FGF1: variants seen among roughly 807,000 people sequenced by gnomAD.
The protein encoded by FGF1 is fibroblast growth factor 1, also known as beta-endothelial cell growth factor.
In FGF1, 9 loss-of-function variants were observed where a neutral mutation model predicts 13.4. That is an observed-to-expected ratio of 0.67 (90% CI 0.40 to 1.17). The LOEUF (loss-of-function observed/expected upper bound fraction) is 1.17, where lower values mean the gene tolerates loss of function less well. Among genes scored for constraint, FGF1 ranks in the 50% most tolerant of loss-of-function variants. The pLI, the probability that FGF1 is intolerant of heterozygous loss-of-function variation, is 0.01. For synonymous variants in FGF1, 93 were observed against 79.0 expected, an observed-to-expected ratio of 1.18 and a Z score of -0.94; for missense variants, 156 against 192.7, an observed-to-expected ratio of 0.81 and a Z score of 1.13.
At chr5:142,682,047 T>G (rs2152052939) in intron 1 of FGF1, among the ~76,000 whole-genome samples, 1 of 152,152 alleles carries the variant, frequency 6.6e-6, no homozygotes, top group African/African-American at 2.4e-5. Context: ...ACTTTGGGCT[T>G]TGGAACAAAT....
At chr5:142,674,344 A>G (rs1181239329) in intron 1 of FGF1, among the ~76,000 whole-genome samples, 1 of 151,906 alleles carries the variant, frequency 6.6e-6, no homozygotes, top group Non-Finnish European at 1.5e-5. Context: ...GTGTTGTTCT[A>G]CCTCTGGGGA....
chr5:142,670,597 CATGGT>C (rs33969966), intron 1 of FGF1, among the ~76,000 whole-genome samples: 2,023 of 152,254 alleles, frequency 0.013, 53 homozygotes, highest in African/African-American at 0.046. Context: ...TTGAATCTCC[CATGGT>C]ATAGATTCTT....
chr5:142,638,238 A>G (rs1764606968), intron 1 of FGF1, among the ~76,000 whole-genome samples: 1 of 151,992 alleles, frequency 6.6e-6, no homozygotes. Flanking sequence ...TAGTTCTCAC[A>G]TGTGCCATGC....
intron 1 of FGF1, among the ~76,000 whole-genome samples, chr5:142,661,434 A>G (rs1769200224): frequency 6.6e-6 from 1 of 152,364 alleles, no homozygotes; most frequent in African/African-American, 2.4e-5. Flanking sequence ...ACAGTCCCTC[A>G]AGTAATTAAG....
chr5:142,625,291 C>T (rs1305503988), intron 1 of FGF1, among the ~76,000 whole-genome samples: 3 of 145,452 alleles, frequency 2.1e-5, no homozygotes, highest in African/African-American at 5.2e-5. Context: ...CACTTCATAA[C>T]GAAGAGAGAG....
intron 1 of FGF1, among the ~76,000 whole-genome samples, chr5:142,619,120 G>C (rs1597154094): frequency 6.6e-6 from 1 of 151,912 alleles, no homozygotes; most frequent in African/African-American, 2.4e-5. Flanking sequence ...ATTTTTAGTA[G>C]AGACGGGGTT....
chr5:142,604,428 C>G (rs1397391877), intron 2 of FGF1, among the ~76,000 whole-genome samples: 1 of 152,168 alleles, frequency 6.6e-6, no homozygotes, highest in East Asian at 1.9e-4. Context: ...GTGCCAGGCA[C>G]CATGCTAGTT....
chr5:142,636,419 A>G (rs576781592), intron 1 of FGF1, among the ~76,000 whole-genome samples: 3 of 152,316 alleles, frequency 2.0e-5, no homozygotes, highest in Admixed American at 1.3e-4. Flanking sequence ...CTCTTATTTT[A>G]TTTGGTAAAA....
intron 1 of FGF1, among the ~76,000 whole-genome samples, chr5:142,646,644 C>T (rs2151963883): frequency 6.6e-6 from 1 of 152,266 alleles, no homozygotes; most frequent in East Asian, 1.9e-4. Flanking sequence ...AGCCACTGCG[C>T]CTGGCCCCGG....
At chr5:142,632,914 G>C (rs1256820871) in intron 1 of FGF1, among the ~76,000 whole-genome samples, 3 of 142,112 alleles carry the variant, frequency 2.1e-5, no homozygotes, top group African/African-American at 7.8e-5. Context: ...GGACATTTAG[G>C]TTGTTTACTT....
rs532935676 is a variant in FGF1 at position 142,668,307 on chromosome 5, G to A, written c.-35+17650C>T. Among the ~76,000 whole-genome samples, 43 of 152,328 alleles carry A rather than the reference G, an allele frequency of 2.8e-4. 1 individual carries two copies. The highest frequency in any genetic ancestry group is 9.6e-4 in the African/African-American group (40 of 41,576). On this transcript the variant is annotated intron_variant, in intron 1 of 3. Transcript: ENST00000337706. Reference sequence around the variant, plus strand: ...TCTAATCCTTTGCACAGTCAAAAACGTTTAGTTTCCCTTTGAAAACTGTGA... The same window carrying A: ...TCTAATCCTTTGCACAGTCAAAAACATTTAGTTTCCCTTTGAAAACTGTGA...
intron 1 of FGF1, among the ~76,000 whole-genome samples, chr5:142,629,411 A>T (rs879385362): frequency 6.6e-6 from 1 of 152,072 alleles, no homozygotes; most frequent in Non-Finnish European, 1.5e-5. Context: ...CAGTCCTTCC[A>T]CCCTGGCCTT....
At chr5:142,689,115 A>C (rs1306176384), upstream of FGF1, among the ~76,000 whole-genome samples, 1 of 152,200 alleles carries the variant, frequency 6.6e-6, no homozygotes, top group Non-Finnish European at 1.5e-5. Context: ...CTTGAGAATG[A>C]CATTCAATAT....
upstream of FGF1, among the ~76,000 whole-genome samples, chr5:142,689,639 T>G (rs1043403575): frequency 1.3e-5 from 2 of 151,232 alleles, no homozygotes; most frequent in South Asian, 4.2e-4. Flanking sequence ...CTGGGTTTCC[T>G]CTCCTCTAAT....
At chr5:142,603,546 T>C (rs1757031835) in intron 2 of FGF1, among the ~76,000 whole-genome samples, 1 of 152,222 alleles carries the variant, frequency 6.6e-6, no homozygotes, top group South Asian at 2.1e-4. Flanking sequence ...GCAGAGATCT[T>C]GTCCTGTTCC....
At chr5:142,673,454 G>A (rs867319949) in intron 1 of FGF1, among the ~76,000 whole-genome samples, 1 of 152,166 alleles carries the variant, frequency 6.6e-6, no homozygotes, top group Non-Finnish European at 1.5e-5. Flanking sequence ...GTTTGGAAAC[G>A]TAATAAATAT....
chr5:142,664,626 T>C (rs1342903421), intron 1 of FGF1, among the ~76,000 whole-genome samples: 3 of 152,226 alleles, frequency 2.0e-5, no homozygotes, highest in East Asian at 1.9e-4. Context: ...TTAGATCTGA[T>C]AAAATATGGA....
At chr5:142,598,261 T>C (rs1755719957) in intron 3 of FGF1, among the ~76,000 whole-genome samples, 1 of 152,180 alleles carries the variant, frequency 6.6e-6, no homozygotes, top group Non-Finnish European at 1.5e-5. Context: ...CTGATGTCTC[T>C]ATTATACTGG....
chr5:142,630,172 G>A (rs753371322), intron 1 of FGF1, among the ~76,000 whole-genome samples: 10 of 152,016 alleles, frequency 6.6e-5, no homozygotes, highest in African/African-American at 1.9e-4. Flanking sequence ...GATTACAGGC[G>A]TGAGCCACCA....
Sources: allele counts gnomAD v4.1 joint callset (sites outside exome capture counted in the v4.1 genomes callset), GRCh38; gene constraint gnomAD v4.1.1; transcripts MANE v1.5; gene names NCBI Gene and HGNC (gene_info 2026-07-23, HGNC 2026-07-21).